The following TOGARAM2 variants were observed in gnomAD, a reference collection of about 807,000 sequenced individuals.
TOGARAM2 encodes the protein TOG array regulator of axonemal microtubules protein 2.
A neutral mutation model predicts 93.3 loss-of-function variants in TOGARAM2; 85 were observed. That is an observed-to-expected ratio of 0.91 (90% confidence interval 0.76 to 1.09). The LOEUF (loss-of-function observed/expected upper bound fraction) is 1.09, where lower values mean the gene tolerates loss of function less well. Among genes scored for constraint, TOGARAM2 ranks in the 50% least tolerant of loss-of-function variants. TOGARAM2 has a pLI of 0.00. For missense variants in TOGARAM2, 1,277 were observed against 1,334.5 expected, an observed-to-expected ratio of 0.96 and a Z score of 0.67; for synonymous variants, 593 against 552.8, an observed-to-expected ratio of 1.07 and a Z score of -1.02.
rs200101077 is a variant in TOGARAM2 at position 28,999,241 on chromosome 2, G to A, written c.200G>A (p.Arg67His). The A allele has an allele frequency of 7.1e-4, 1,141 of 1,613,878 alleles. 5 individuals carry two copies. Among genetic ancestry groups the A allele is most frequent in the Middle Eastern group, 2.3e-3 (14 of 6,058 alleles). The change falls in exon 4 of 20, where the codon CGT becomes CAT. Residue 67 changes from arginine to histidine, a missense_variant. Transcript: ENST00000379558. The part of the protein sequence containing the change: ...LNNEEPSQLL[R>H]GLGQLGGLKL... ...AACGAGGAACCGTCACAGCTCCTGCGTGGACTCGGACAGCTGGGTGGCCTC... is the reference window on the plus strand; with the variant it reads ...AACGAGGAACCGTCACAGCTCCTGCATGGACTCGGACAGCTGGGTGGCCTC...
At position 29,032,952 on chromosome 2, in the gene TOGARAM2, G is replaced by T; in HGVS notation, c.2031G>T (p.Met677Ile). 4 of 1,613,716 alleles carry T rather than the reference G, an allele frequency of 2.5e-6. No homozygotes were observed. In the South Asian group the frequency reaches 3.3e-5, roughly 13 times the overall value. The change falls in exon 15 of 20, where the codon ATG becomes ATT. Residue 677 changes from methionine (M) to isoleucine (I), a missense_variant. Physicochemically the swap from Met to Ile is conservative, Grantham distance 10. Transcript: ENST00000379558. ...NQDTRFYGRK[M>I]VNILMANTKF... is the part of the protein sequence containing the mutation. ...GTGGCAGATTTTATGGCCGGAAGAT[G>T]GTGAATATCTTGATGGCGAACACTA...
In TOGARAM2 at chr2:29,024,129, T is replaced by C. The variant is rs774443064; in HGVS notation, c.1618-10T>C. ...CCAGCACCCTGGAGGGCCTCTCTCC[T>C]CTCTCCAAGGTCACCAACCTGCGGT... On this transcript the variant is annotated splice_polypyrimidine_tract_variant and intron_variant, in intron 12 of 19. Coordinates refer to ENST00000379558, the MANE Select transcript of TOGARAM2 (RefSeq NM_199280.4). The C allele has an allele frequency of 1.2e-5, 18 of 1,560,622 alleles. No individual in the cohort carries two copies. The highest frequency in any genetic ancestry group is 1.5e-5 in the Non-Finnish European group (17 of 1,152,164).
chr2:28,968,078 A>C (rs1439334752), intron 1 of TOGARAM2, among the ~76,000 whole-genome samples: 22 of 152,142 alleles, frequency 1.4e-4, no homozygotes, highest in Non-Finnish European at 2.9e-5. Context: ...CTTGGCCTCC[A>C]AAAGTGTTGG....
chr2:29,042,421 A>G lies in TOGARAM2; in HGVS notation c.2636-2903A>G, dbSNP rs182991272. Among the ~76,000 whole-genome samples the G allele has an allele frequency of 2.9e-3, 446 of 151,954 alleles. 2 individuals are homozygous for G. Among genetic ancestry groups the G allele is most frequent in the African/African-American group, 0.01 (427 of 41,444 alleles). ...TTCTTTCTGGCTCTGGGGAGAGGGG[A>G]TGTTTGGGGCCAGAGGCGGGAGCCC... is the stretch of plus-strand genomic sequence containing the variant. On this transcript the variant is annotated intron_variant, in intron 18 of 19. Coordinates refer to ENST00000379558, the MANE Select transcript of TOGARAM2 (RefSeq NM_199280.4).
At chr2:28,975,327 T>A (rs1672010660) in intron 1 of TOGARAM2, among the ~76,000 whole-genome samples, 1 of 152,092 alleles carries the variant, frequency 6.6e-6, no homozygotes, top group Admixed American at 6.6e-5. Context: ...TAGTTGGGAC[T>A]ACAGGTGCCC....
At chr2:29,044,735 T>C (rs2148395691) in intron 18 of TOGARAM2, among the ~76,000 whole-genome samples, 1 of 152,154 alleles carries the variant, frequency 6.6e-6, no homozygotes, top group East Asian at 1.9e-4. Context: ...GATATCAGTA[T>C]GTGTTCAGTG....
intron 11 of TOGARAM2, 149 bp downstream of exon 11, chr2:29,022,457 T>A: frequency 9.5e-7 from 1 of 1,049,148 alleles, no homozygotes; most frequent in Non-Finnish European, 1.4e-6. Context: ...GGACTGTGCA[T>A]GCATATAGAT....
At chr2:29,036,483 G>T in intron 17 of TOGARAM2, 58 bp from the exon 18 acceptor site, 1 of 1,568,544 alleles carries the variant, frequency 6.4e-7, no homozygotes, top group Non-Finnish European at 8.8e-7. Flanking sequence ...TGCCTGCACT[G>T]TGGGAGTCCT....
intron 13 of TOGARAM2, among the ~76,000 whole-genome samples, chr2:29,025,562 G>C (rs1016236072): frequency 6.6e-6 from 1 of 152,190 alleles, no homozygotes; most frequent in African/African-American, 2.4e-5. Flanking sequence ...TTGTGCATCT[G>C]AGTCCGCTGG....
intron 4 of TOGARAM2, among the ~76,000 whole-genome samples, chr2:29,000,779 T>A (rs1558415752): frequency 1.3e-5 from 2 of 152,056 alleles, no homozygotes; most frequent in Non-Finnish European, 2.9e-5. Context: ...CCCAGGACAA[T>A]GCCAGGGAGC....
At chr2:29,042,081 G>A (rs1558467883) in intron 18 of TOGARAM2, among the ~76,000 whole-genome samples, 1 of 152,218 alleles carries the variant, frequency 6.6e-6, no homozygotes, top group African/African-American at 2.4e-5. Flanking sequence ...AAATATGGAA[G>A]AACCAGGATT....
intron 10 of TOGARAM2, among the ~76,000 whole-genome samples, chr2:29,020,996 C>T (rs1453513794): frequency 6.6e-6 from 1 of 152,122 alleles, no homozygotes; most frequent in African/African-American, 2.4e-5. Context: ...TCACTGCAAC[C>T]TACGCTTCCC....
At chr2:29,005,193 G>A (rs62649849) in intron 6 of TOGARAM2, among the ~76,000 whole-genome samples, 97,266 of 132,470 alleles carry the variant, frequency 0.73, 37,729 homozygotes, top group Non-Finnish European at 0.85. Context: ...TGTGCAGTGT[G>A]TGTGTGCATG....
rs1352823363 is a variant in TOGARAM2, at chr2:29,017,210, G to A, written c.1101G>A (p.Lys367=). 1.9e-6 allele frequency: 3 copies of A among 1,613,824 alleles called. No homozygotes were observed. The highest frequency in any genetic ancestry group is 2.7e-5 in the African/African-American group (2 of 74,934). ...AREKMQLKQM[K]EMELLRRLEE... ...AGAAGATGCAGCTGAAGCAGATGAA[G>A]GAGATGGAGCTGCTTCGGAGGCTGG... The change falls in exon 9 of 20, where the codon AAG becomes AAA. Residue 367 remains lysine, a synonymous_variant. Transcript: ENST00000379558.
At chr2:28,972,968 C>T (rs934680542) in intron 1 of TOGARAM2, among the ~76,000 whole-genome samples, 7 of 152,226 alleles carry the variant, frequency 4.6e-5, no homozygotes, top group South Asian at 4.1e-4. Context: ...GTCCGAGCCA[C>T]GTGGCCAAGC....
chr2:28,961,366 C>T (rs1026310463), intron 1 of TOGARAM2, among the ~76,000 whole-genome samples: 3 of 152,036 alleles, frequency 2.0e-5, no homozygotes, highest in Non-Finnish European at 4.4e-5. Flanking sequence ...GAGGCAGAAT[C>T]TTTCTCACTC....
intron 19 of TOGARAM2, chr2:29,048,380 C>G (rs574872271): frequency 2.4e-4 from 37 of 152,264 alleles, no homozygotes; most frequent in African/African-American, 8.4e-4. Flanking sequence ...ATAAAATGTA[C>G]CACCTTAACC....
chr2:29,045,625 A>C (rs893121419), intron 19 of TOGARAM2: 10 of 558,790 alleles, frequency 1.8e-5, no homozygotes, highest in Non-Finnish European at 2.9e-5. Flanking sequence ...TTTGTACAAA[A>C]GCAAAAGTGT....
chr2:29,000,001 T>C (rs1178857222), intron 4 of TOGARAM2, among the ~76,000 whole-genome samples: 2 of 151,968 alleles, frequency 1.3e-5, no homozygotes, highest in East Asian at 3.9e-4. Context: ...GCCTCCCTTC[T>C]TGGCTTCAAA....
Sources: allele counts gnomAD v4.1 joint callset (sites outside exome capture counted in the v4.1 genomes callset), GRCh38; gene constraint gnomAD v4.1.1; transcripts MANE v1.5; gene names NCBI Gene and HGNC (gene_info 2026-07-23, HGNC 2026-07-21).